The following GRIN2B variants were observed in gnomAD, a reference collection of about 807,000 sequenced individuals.
The protein encoded by GRIN2B is glutamate ionotropic receptor NMDA type subunit 2B.
GRIN2B carries 5 observed loss-of-function variants against 114.5 expected under a neutral mutation model. The observed-to-expected ratio is 0.04, with a 90% CI of 0.02 to 0.09. The LOEUF (loss-of-function observed/expected upper bound fraction) is 0.09, where lower values mean the gene tolerates loss of function less well. Among genes scored for constraint, GRIN2B ranks in the 10% least tolerant of loss-of-function variants. GRIN2B has a pLI of 1.00. For missense variants in GRIN2B, 1,108 were observed against 1,943.5 expected, an observed-to-expected ratio of 0.57 and a Z score of 8.08; for synonymous variants, 787 against 745.1, an observed-to-expected ratio of 1.06 and a Z score of -0.92.
intron 10 of GRIN2B, among the ~76,000 whole-genome samples, chr12:13,605,817 G>A (rs955444184): frequency 3.3e-5 from 5 of 152,104 alleles, no homozygotes; most frequent in Non-Finnish European, 7.3e-5. Flanking sequence ...AAAGATAAGT[G>A]CAGTATGCCA....
intron 3 of GRIN2B, among the ~76,000 whole-genome samples, chr12:13,754,276 A>T (rs568001552): frequency 6.6e-6 from 1 of 152,286 alleles, no homozygotes; most frequent in African/African-American, 2.4e-5. Flanking sequence ...AAAGGCTCTA[A>T]ACGGCCTCAT....
chr12:13,933,344 A>G (rs1251457322), intron 2 of GRIN2B, among the ~76,000 whole-genome samples: 1 of 152,178 alleles, frequency 6.6e-6, no homozygotes, highest in Non-Finnish European at 1.5e-5. Flanking sequence ...TATCCAATCA[A>G]TTTAATGTGG....
At chr12:13,691,523 A>AT (rs879646676) in intron 4 of GRIN2B, among the ~76,000 whole-genome samples, 1 of 152,134 alleles carries the variant, frequency 6.6e-6, no homozygotes, top group Non-Finnish European at 1.5e-5. Context: ...ACCTACAGGA[A>AT]TTTAGCATTT....
intron 11 of GRIN2B, among the ~76,000 whole-genome samples, chr12:13,571,416 CCCCTTTTATTTCT>C (rs1365379536): frequency 1.3e-5 from 2 of 152,158 alleles, no homozygotes; most frequent in Non-Finnish European, 2.9e-5. Context: ...TTACACTTTC[CCCCTTTTATTTCT>C]CCCTTGTCCA....
At chr12:13,915,915 G>A (rs751253276) in intron 2 of GRIN2B, among the ~76,000 whole-genome samples, 28 of 151,862 alleles carry the variant, frequency 1.8e-4, no homozygotes, top group Non-Finnish European at 3.7e-4. Flanking sequence ...CAATCACTAG[G>A]CAACTAGATG....
In GRIN2B at chr12:13,560,065, C is replaced by G. The variant is rs74538550; in HGVS notation, c.*2718G>C. On this transcript the variant is annotated 3_prime_UTR_variant, in exon 14 of 14. Coordinates refer to ENST00000609686, the MANE Select transcript of GRIN2B (RefSeq NM_000834.5). ...GTCTACCTAGAAGATAGGAGTCAGA[C>G]CTGGGGTTTGCTTAGAGCCAAATTG... is the stretch of plus-strand genomic sequence containing the variant. 5.9e-5 allele frequency: 9 copies of G among 152,256 alleles called. No individual in the cohort carries two copies. The East Asian group carries it at 1.7e-3, about 29-fold the overall frequency. The allele number at this position is 152,256 out of a possible 1,614,324, so 9.4% of individuals were successfully genotyped here. A position where few individuals can be genotyped will look rare whatever the true frequency, so the allele number is the denominator to read the frequency against.
chr12:13,940,024 GT>G (rs1238016117), intron 2 of GRIN2B, among the ~76,000 whole-genome samples: 1 of 152,152 alleles, frequency 6.6e-6, no homozygotes, highest in Non-Finnish European at 1.5e-5. Flanking sequence ...CCATGGTCCA[GT>G]GGTATTTGTA....
chr12:13,931,128 A>T (rs1018100017), intron 2 of GRIN2B, among the ~76,000 whole-genome samples: 3 of 152,144 alleles, frequency 2.0e-5, no homozygotes, highest in Non-Finnish European at 4.4e-5. Context: ...TGAACAGAAA[A>T]AATATTTAAT....
chr12:13,707,997 A>T (rs1950376745), intron 4 of GRIN2B, among the ~76,000 whole-genome samples: 1 of 119,156 alleles, frequency 8.4e-6, no homozygotes, highest in South Asian at 2.6e-4. Flanking sequence ...TAGAAGCCTG[A>T]TACATGTAGA....
chr12:13,602,944 T>C (rs1949182061), intron 10 of GRIN2B, among the ~76,000 whole-genome samples: 1 of 152,200 alleles, frequency 6.6e-6, no homozygotes, highest in African/African-American at 2.4e-5. Context: ...TGCAGCCAGA[T>C]ACCCTGGAGA....
chr12:13,566,029 G>A (rs1239189787), intron 13 of GRIN2B, among the ~76,000 whole-genome samples: 1 of 152,072 alleles, frequency 6.6e-6, no homozygotes, highest in Non-Finnish European at 1.5e-5. Context: ...TGAGATCTTA[G>A]GGAAGGGCTA....
chr12:13,752,907 CA>C (rs1863508605), intron 4 of GRIN2B, among the ~76,000 whole-genome samples: 1 of 152,182 alleles, frequency 6.6e-6, no homozygotes. Flanking sequence ...TCTTTGCGAT[CA>C]AGTAGTACTT....
chr12:13,958,646 G>T (rs925314908), intron 2 of GRIN2B, among the ~76,000 whole-genome samples: 7 of 152,106 alleles, frequency 4.6e-5, no homozygotes, highest in African/African-American at 1.7e-4. Flanking sequence ...GGCAACCTCT[G>T]ACGGAGGCAT....
chr12:13,730,958 C>A (rs1341682945), intron 4 of GRIN2B, among the ~76,000 whole-genome samples: 2 of 152,148 alleles, frequency 1.3e-5, no homozygotes, highest in Non-Finnish European at 2.9e-5. Context: ...CAGCTGACCA[C>A]CACAATCCTC....
At position 13,564,013 on chromosome 12, in the gene GRIN2B, G is replaced by A; in HGVS notation, c.3225C>T (p.Gly1075=). ...GCTGCTTACGCCTCTTGGCGGCATT[G>A]CCCTCGATGTTCCCATAGGTGACGG... ...THTVTYGNIE[G]NAAKRRKQQY... The change falls in exon 14 of 14, where the codon GGC becomes GGT. Residue 1075 remains glycine (G), a synonymous_variant. Transcript: ENST00000609686. This position sits in a 1 kb window ranked among gnomAD's most constrained non-coding sequence, Gnocchi z 4.8. 1.9e-6 allele frequency: 3 copies of A among 1,614,246 alleles called. No individual in the cohort carries two copies. The South Asian group carries it at 3.3e-5, about 18-fold the overall frequency.
chr12:13,802,587 T>C (rs1273080063), intron 3 of GRIN2B, among the ~76,000 whole-genome samples: 1 of 152,138 alleles, frequency 6.6e-6, no homozygotes, highest in Non-Finnish European at 1.5e-5. Context: ...AGAGAATTGG[T>C]TAAATTGCAG....
chr12:13,632,293 A>G (rs961889173), intron 5 of GRIN2B, among the ~76,000 whole-genome samples: 1 of 152,268 alleles, frequency 6.6e-6, no homozygotes, highest in Non-Finnish European at 1.5e-5. Flanking sequence ...AAAAGCCACC[A>G]TCTTTGCAGA....
In GRIN2B at chr12:13,728,094, T is replaced by C. The variant is rs73051583; in HGVS notation, c.1010+25223A>G. Among the ~76,000 whole-genome samples, 839 of 152,298 alleles carry C rather than the reference T, an allele frequency of 5.5e-3. 5 individuals carry two copies. Among genetic ancestry groups the C allele is most frequent in the Non-Finnish European group, 8.6e-3 (585 of 68,010 alleles). On this transcript the variant is annotated intron_variant, in intron 4 of 13. Transcript: ENST00000609686. ...CCTCAAGGGCAGAAACCCTGGTCTTTTATTTCTGTATTTACAAAGCCAGTA... is the reference window on the plus strand; with the variant it reads ...CCTCAAGGGCAGAAACCCTGGTCTTCTATTTCTGTATTTACAAAGCCAGTA...
chr12:13,723,492 A>C (rs1207149778), intron 4 of GRIN2B, among the ~76,000 whole-genome samples: 1 of 151,956 alleles, frequency 6.6e-6, no homozygotes, highest in South Asian at 2.1e-4. Context: ...AAAAAAAAAA[A>C]ACACTTGCAT....
Sources: allele counts gnomAD v4.1 joint callset (sites outside exome capture counted in the v4.1 genomes callset), GRCh38; gene constraint gnomAD v4.1.1; non-coding constraint Gnocchi (gnomAD v3.1); transcripts MANE v1.5; gene names NCBI Gene and HGNC (gene_info 2026-07-23, HGNC 2026-07-21).